The following CWC27 variants were observed in gnomAD, a reference collection of about 807,000 sequenced individuals.
The protein encoded by CWC27 is CWC27 spliceosome associated cyclophilin.
A neutral mutation model predicts 63.6 loss-of-function variants in CWC27; 47 were observed. The ratio of observed to expected loss-of-function variants is 0.74; its 90% CI spans 0.58 to 0.94. The LOEUF is 0.94. CWC27 is among the 40% of genes least tolerant of loss of function. The pLI is 0.00. For missense variants in CWC27, 495 were observed against 554.3 expected (o/e 0.89, Z 1.07); for synonymous variants, 175 against 179.8 (o/e 0.97, Z 0.22).
chr5:64,951,466 A>T (rs1299865660), intron 11 of CWC27, among the ~76,000 whole-genome samples: 2 of 151,974 alleles, frequency 1.3e-5, no homozygotes, highest in Admixed American at 6.6e-5. Flanking sequence ...CAAGTCCTTT[A>T]TCAGATAAAT....
At chr5:64,958,499 T>C (rs1314662361) in intron 11 of CWC27, among the ~76,000 whole-genome samples, 2 of 152,166 alleles carry the variant, frequency 1.3e-5, no homozygotes, top group African/African-American at 4.8e-5. Context: ...ATGCAGAATT[T>C]AAAAATCAAG....
At chr5:64,814,263 C>G (rs181944037) in intron 10 of CWC27, among the ~76,000 whole-genome samples, 89 of 152,124 alleles carry the variant, frequency 5.9e-4, no homozygotes, top group African/African-American at 2.1e-3. Flanking sequence ...TTAGTTCTTC[C>G]TTTGAACTAG....
intron 13 of CWC27, among the ~76,000 whole-genome samples, chr5:64,997,753 AAGGAAC>A (rs1474806732): frequency 4.6e-5 from 7 of 152,150 alleles, no homozygotes; most frequent in Admixed American, 4.6e-4. Context: ...GACACAGATA[AAGGAAC>A]ATTCATTGTA....
At chr5:64,974,074 GAA>G (rs777922530) in intron 12 of CWC27, among the ~76,000 whole-genome samples, 10 of 129,608 alleles carry the variant, frequency 7.7e-5, no homozygotes, top group African/African-American at 2.5e-4. Flanking sequence ...CATCTCTACA[GAA>G]AAAAAAAAAA....
intron 11 of CWC27, among the ~76,000 whole-genome samples, chr5:64,926,845 T>TA (rs567507413): frequency 6.6e-6 from 1 of 152,190 alleles, no homozygotes; most frequent in South Asian, 2.1e-4. Flanking sequence ...GAAGCATTCC[T>TA]AAAAACTGTT....
At chr5:64,913,517 C>A (rs1187725462) in intron 11 of CWC27, among the ~76,000 whole-genome samples, 1 of 151,776 alleles carries the variant, frequency 6.6e-6, no homozygotes, top group East Asian at 1.9e-4. Context: ...TACCTGATAG[C>A]TGAGTATAAA....
chr5:64,980,429 A>G (rs560874542), intron 13 of CWC27, among the ~76,000 whole-genome samples: 1 of 152,222 alleles, frequency 6.6e-6, no homozygotes, highest in South Asian at 2.1e-4. Flanking sequence ...AAAAAGTTAC[A>G]AGAAAGATAG....
chr5:64,814,467 G>A (rs969075615), intron 10 of CWC27, among the ~76,000 whole-genome samples: 13 of 152,252 alleles, frequency 8.5e-5, no homozygotes, highest in Admixed American at 2.6e-4. Flanking sequence ...CTACCTTGGG[G>A]TCAGACACTT....
At chr5:64,791,954 GTTCAGCC>G (rs1221734282) in intron 7 of CWC27, among the ~76,000 whole-genome samples, 2 of 151,794 alleles carry the variant, frequency 1.3e-5, no homozygotes, top group Non-Finnish European at 2.9e-5. Context: ...TACTACCCTT[GTTCAGCC>G]TTCATTATCT....
intron 7 of CWC27, among the ~76,000 whole-genome samples, chr5:64,790,949 T>G (rs1744055311): frequency 6.6e-6 from 1 of 152,076 alleles, no homozygotes; most frequent in Non-Finnish European, 1.5e-5. Flanking sequence ...AACTGAGGGT[T>G]TTTTTAGCTA....
intron 11 of CWC27, among the ~76,000 whole-genome samples, chr5:64,962,893 A>G (rs1239980394): frequency 6.6e-6 from 1 of 152,242 alleles, no homozygotes; most frequent in East Asian, 1.9e-4. Context: ...GAGGGTCAGA[A>G]GACAGAACAG....
chr5:64,923,004 G>T (rs149318959), intron 11 of CWC27, among the ~76,000 whole-genome samples: 110 of 152,294 alleles, frequency 7.2e-4, no homozygotes, highest in Non-Finnish European at 1.3e-3. Context: ...GTTGGTGCCA[G>T]ATGTTCTCAG....
intron 13 of CWC27, among the ~76,000 whole-genome samples, chr5:64,988,896 G>T (rs565748142): frequency 6.6e-6 from 1 of 152,136 alleles, no homozygotes; most frequent in Non-Finnish European, 1.5e-5. Flanking sequence ...GAACCACCAC[G>T]CCAAGCCTAG....
intron 9 of CWC27, among the ~76,000 whole-genome samples, chr5:64,803,818 C>T (rs898127160): frequency 2.0e-5 from 3 of 152,066 alleles, no homozygotes; most frequent in Non-Finnish European, 4.4e-5. Context: ...ATAGAAATCT[C>T]AGCTTCTGCA....
intron 13 of CWC27, among the ~76,000 whole-genome samples, chr5:64,993,299 C>T (rs1480292955): frequency 6.6e-6 from 1 of 152,016 alleles, no homozygotes; most frequent in Non-Finnish European, 1.5e-5. Flanking sequence ...ATTGTCAAAA[C>T]ATTAGTTATA....
chr5:64,956,558 T>G (rs1287763404), intron 11 of CWC27, among the ~76,000 whole-genome samples: 2 of 152,164 alleles, frequency 1.3e-5, no homozygotes, highest in African/African-American at 4.8e-5. Flanking sequence ...CTCCCTTCTC[T>G]GCATGAATTT....
At chr5:64,817,472 A>T (rs1346710602) in intron 10 of CWC27, among the ~76,000 whole-genome samples, 6 of 152,088 alleles carry the variant, frequency 3.9e-5, no homozygotes, top group Non-Finnish European at 7.4e-5. Flanking sequence ...TTTAGAAATC[A>T]TTTTTTTCTA....
At chr5:64,839,114 G>T (rs901464603) in intron 10 of CWC27, among the ~76,000 whole-genome samples, 2 of 152,138 alleles carry the variant, frequency 1.3e-5, no homozygotes, top group African/African-American at 4.8e-5. Context: ...CATATACTAG[G>T]TGCTCAGGAA....
At chr5:64,880,662 T>G (rs2112336997) in intron 10 of CWC27, among the ~76,000 whole-genome samples, 1 of 151,086 alleles carries the variant, frequency 6.6e-6, no homozygotes, top group East Asian at 1.9e-4. Flanking sequence ...TTTTATTGGG[T>G]TTTTTTTTAA....
Sources: allele counts gnomAD v4.1 joint callset (sites outside exome capture counted in the v4.1 genomes callset), GRCh38; gene constraint gnomAD v4.1.1; transcripts MANE v1.5; gene names NCBI Gene and HGNC (gene_info 2026-07-23, HGNC 2026-07-21).